The following XPO4 variants were observed in gnomAD, a reference collection of about 807,000 sequenced individuals.
XPO4 encodes the protein exportin-4.
XPO4 carries 39 observed loss-of-function variants against 143.0 expected under a neutral mutation model. The ratio of observed to expected loss-of-function variants is 0.27; its 90% confidence interval spans 0.21 to 0.36. The LOEUF is 0.36. XPO4 is among the 10% of genes least tolerant of loss of function. The probability of loss-of-function intolerance (pLI) is 1.00; values close to 1 mark genes in which losing one functional copy is unlikely to be tolerated. For synonymous variants in XPO4, 439 were observed against 474.0 expected, an observed-to-expected ratio of 0.93 and a Z score of 0.96; for missense variants, 907 against 1,348.0, an observed-to-expected ratio of 0.67 and a Z score of 5.12.
chr13:20,871,976 T>C (rs953801595), intron 1 of XPO4, among the ~76,000 whole-genome samples: 1 of 152,158 alleles, frequency 6.6e-6, no homozygotes, highest in Admixed American at 6.5e-5. Context: ...GGCAGGATGG[T>C]AGTCACTTTA....
At chr13:20,794,389 T>C (rs1423053713) in intron 18 of XPO4, among the ~76,000 whole-genome samples, 4 of 152,200 alleles carry the variant, frequency 2.6e-5, no homozygotes, top group Non-Finnish European at 5.9e-5. Context: ...AATGAGCTGA[T>C]TTATGATACA....
rs1247146672 is a variant in XPO4, at chr13:20,803,066, AGATAT to A, written c.1818-2081_1818-2077del. On this transcript the variant is annotated intron_variant, in intron 13 of 22. Transcript: ENST00000255305. The surrounding 1 kb of genome is among the most constrained non-coding windows in gnomAD (Gnocchi z 4.1). Reference sequence around the variant, plus strand: ...ATTTGATTCCTATTTTTCCTTTAATAGATATAAGTACTGAGAAAACTTCATATAAG... The same window carrying A: ...ATTTGATTCCTATTTTTCCTTTAATAAAGTACTGAGAAAACTTCATATAAG... 6.6e-6 allele frequency among the ~76,000 whole-genome samples: 1 copy of A among 152,208 alleles called. No homozygotes were observed. Among genetic ancestry groups the A allele is most frequent in the Non-Finnish European group, 1.5e-5 (1 of 68,040 alleles).
At chr13:20,892,593 A>G (rs546379984) in intron 1 of XPO4, among the ~76,000 whole-genome samples, 1 of 152,302 alleles carries the variant, frequency 6.6e-6, no homozygotes, top group Non-Finnish European at 1.5e-5. Context: ...GGGTCCCTGA[A>G]CAAATATACA....
chr13:20,818,545 A>G (rs2059679365), intron 9 of XPO4, among the ~76,000 whole-genome samples: 1 of 152,242 alleles, frequency 6.6e-6, no homozygotes, highest in African/African-American at 2.4e-5. Context: ...ACAGTAAAAC[A>G]AAGTCTTACA....
At chr13:20,892,075 G>A (rs1461264740) in intron 1 of XPO4, among the ~76,000 whole-genome samples, 1 of 149,676 alleles carries the variant, frequency 6.7e-6, no homozygotes, top group Admixed American at 6.8e-5. Flanking sequence ...CTTTTAGGCT[G>A]GAGTGCAGTG....
At chr13:20,848,577 T>TA in intron 4 of XPO4, 2 of 985,418 alleles carry the variant, frequency 2.0e-6, no homozygotes, top group Non-Finnish European at 2.4e-6. Flanking sequence ...AGCTTTATTC[T>TA]ATTCCTTGAT....
chr13:20,784,061 A>G, intron 22 of XPO4, 142 bp from the exon 23 acceptor site: 2 of 765,564 alleles, frequency 2.6e-6, no homozygotes, highest in South Asian at 3.5e-5. Flanking sequence ...GCATTTAAGT[A>G]CTACTGTTTG....
intron 2 of XPO4, among the ~76,000 whole-genome samples, chr13:20,868,118 C>T (rs929238479): frequency 7.3e-5 from 11 of 150,790 alleles, no homozygotes; most frequent in South Asian, 4.2e-4. Context: ...TGATACCCTA[C>T]GCAGAAATGA....
In XPO4 at chr13:20,811,251, G is replaced by A. The variant is rs184645783; in HGVS notation, c.1174-1284C>T. 2.3e-3 allele frequency among the ~76,000 whole-genome samples: 350 copies of A among 151,914 alleles called. 1 individual carries two copies. Among genetic ancestry groups the A allele is most frequent in the Middle Eastern group, 0.01 (3 of 294 alleles). On this transcript the variant is annotated intron_variant, in intron 9 of 22. Transcript: ENST00000255305. ...GGTTTTCTTCTAATTGCAGCAAGAAGCCACTGCAATGCTTGAAACAGATAG... is the reference window on the plus strand; with the variant it reads ...GGTTTTCTTCTAATTGCAGCAAGAAACCACTGCAATGCTTGAAACAGATAG...
chr13:20,839,178 C>T (rs1207746722), intron 6 of XPO4, among the ~76,000 whole-genome samples: 1 of 152,234 alleles, frequency 6.6e-6, no homozygotes, highest in Non-Finnish European at 1.5e-5. Flanking sequence ...GCAGGAGAAT[C>T]GCCTGCACCC....
At chr13:20,815,516 AG>A (rs1429332505) in intron 9 of XPO4, among the ~76,000 whole-genome samples, 1 of 152,192 alleles carries the variant, frequency 6.6e-6, no homozygotes, top group Non-Finnish European at 1.5e-5. Flanking sequence ...ATCTAATATC[AG>A]GTACTGTAAA....
Position 20,800,994 on chromosome 13 carries a change from T to C in XPO4, c.1818-4A>G, listed in dbSNP as rs2059425597. The C allele has an allele frequency of 6.2e-7, 1 of 1,613,108 alleles. No individual in the cohort carries two copies. Among genetic ancestry groups the C allele is most frequent in the Admixed American group, 1.7e-5 (1 of 59,876 alleles). The stretch of plus-strand genomic sequence containing the variant: ...TCTGAGAATGGCAGACAACAGCCTG[T>C]AGGTATAAAACAGAAGTCATTTATT... On this transcript the variant is annotated splice_region_variant and splice_polypyrimidine_tract_variant and intron_variant, in intron 13 of 22. Transcript: ENST00000255305.
intron 7 of XPO4, among the ~76,000 whole-genome samples, chr13:20,825,583 G>A (rs773898878): frequency 2.0e-5 from 3 of 152,156 alleles, no homozygotes; most frequent in African/African-American, 4.8e-5. Flanking sequence ...GGTTTGTCTA[G>A]ACAGCTGTTC....
At chr13:20,828,191 G>A (rs1186385945) in intron 6 of XPO4, among the ~76,000 whole-genome samples, 2 of 151,694 alleles carry the variant, frequency 1.3e-5, no homozygotes, top group Non-Finnish European at 2.9e-5. Context: ...AGTGAGCCGA[G>A]ATCACACCAT....
chr13:20,896,805 C>T (rs2138190254), intron 1 of XPO4, among the ~76,000 whole-genome samples: 1 of 152,270 alleles, frequency 6.6e-6, no homozygotes, highest in Admixed American at 6.5e-5. Flanking sequence ...AGGATATCAT[C>T]ATTTAATACA....
intron 1 of XPO4, among the ~76,000 whole-genome samples, chr13:20,882,962 G>A (rs1015077245): frequency 6.6e-6 from 1 of 151,402 alleles, no homozygotes; most frequent in African/African-American, 2.4e-5. Context: ...AGCCCCGAGA[G>A]GCTGACCTCT....
At chr13:20,818,648 T>G (rs183086010) in intron 9 of XPO4, among the ~76,000 whole-genome samples, 12 of 152,170 alleles carry the variant, frequency 7.9e-5, no homozygotes, top group Admixed American at 2.0e-4. Context: ...TTTAAAAAAT[T>G]AGAATTATAA....
chr13:20,786,013 A>T (rs924479788), intron 22 of XPO4, among the ~76,000 whole-genome samples: 16 of 144,730 alleles, frequency 1.1e-4, no homozygotes, highest in African/African-American at 2.5e-4. Context: ...GAAGGAAGGA[A>T]GGATCAGACA....
chr13:20,898,608 G>A (rs1490677312), intron 1 of XPO4, among the ~76,000 whole-genome samples: 1 of 151,944 alleles, frequency 6.6e-6, no homozygotes, highest in Non-Finnish European at 1.5e-5. Flanking sequence ...TTTCTATAAT[G>A]TATCAGTTAA....
Sources: gnomAD v4.1 joint callset for allele counts (sites outside exome capture counted in the v4.1 genomes callset) on GRCh38, gnomAD v4.1.1 for gene constraint, Gnocchi (gnomAD v3.1) non-coding constraint, MANE v1.5 for transcripts, NCBI Gene and HGNC (gene_info 2026-07-23, HGNC 2026-07-21) for gene names.